The following LIMA1 variants were observed in gnomAD, a reference collection of about 807,000 sequenced individuals.
LIMA1 encodes the protein LIM domain and actin binding 1.
LIMA1 carries 52 observed loss-of-function variants against 62.6 expected under a neutral mutation model. The ratio of observed to expected loss-of-function variants is 0.83; its 90% CI spans 0.67 to 1.05. LIMA1 has a LOEUF of 1.05. Ranked by LOEUF, LIMA1 falls within the 50% of genes least tolerant of loss-of-function variation. LIMA1 has a pLI of 0.00. For missense variants in LIMA1, 780 were observed against 902.2 expected, an observed-to-expected ratio of 0.86 and a Z score of 1.74; for synonymous variants, 302 against 317.8, an observed-to-expected ratio of 0.95 and a Z score of 0.53.
intron 1 of LIMA1, among the ~76,000 whole-genome samples, chr12:50,269,591 A>G (rs896257807): frequency 5.3e-5 from 8 of 152,124 alleles, no homozygotes; most frequent in Non-Finnish European, 7.4e-5. Context: ...TCTGCACCAT[A>G]AAGTCTAAAT....
chr12:50,179,015 G>A (rs1365905798), intron 10 of LIMA1, among the ~76,000 whole-genome samples: 5 of 144,842 alleles, frequency 3.5e-5, no homozygotes, highest in Admixed American at 7.2e-5. Flanking sequence ...TCGCTCTGTC[G>A]CCCAGGCTGG....
intron 9 of LIMA1, chr12:50,186,524 T>C (rs1386384372): frequency 6.5e-6 from 1 of 152,746 alleles, no homozygotes; most frequent in Non-Finnish European, 1.5e-5. Context: ...TAGCATAGAT[T>C]ATCCCTCATA....
At chr12:50,193,917 C>A in intron 8 of LIMA1, among the ~76,000 whole-genome samples, 1 of 149,306 alleles carries the variant, frequency 6.7e-6, no homozygotes. Context: ...CTGCCTGCCT[C>A]AACCTCACGA....
chr12:50,196,934 G>T (rs1322946147), intron 7 of LIMA1, among the ~76,000 whole-genome samples: 5 of 152,146 alleles, frequency 3.3e-5, no homozygotes, highest in Non-Finnish European at 5.9e-5. Flanking sequence ...TTTATCTAAT[G>T]ATATGAAATA....
chr12:50,260,433 G>A (rs1277296887), intron 1 of LIMA1, among the ~76,000 whole-genome samples: 1 of 152,146 alleles, frequency 6.6e-6, no homozygotes. Context: ...AGAGGCGTGA[G>A]CCACCACGCC....
chr12:50,281,586 G>A (rs1348840468), intron 1 of LIMA1, among the ~76,000 whole-genome samples: 1 of 151,870 alleles, frequency 6.6e-6, no homozygotes, highest in Non-Finnish European at 1.5e-5. Context: ...CTCTTCCCAG[G>A]GACTACCTGA....
chr12:50,195,758 G>A, intron 8 of LIMA1, 72 bp downstream of exon 8: 2 of 1,447,334 alleles, frequency 1.4e-6, no homozygotes, highest in Non-Finnish European at 1.9e-6. Context: ...TGACAGTAAT[G>A]GGAACACCCC....
chr12:50,241,613 T>C (rs1941777272), intron 2 of LIMA1, among the ~76,000 whole-genome samples: 1 of 152,210 alleles, frequency 6.6e-6, no homozygotes, highest in African/African-American at 2.4e-5. Flanking sequence ...TATCTCCACC[T>C]TTTATTTGTA....
intron 4 of LIMA1, among the ~76,000 whole-genome samples, chr12:50,216,440 C>T (rs1941346419): frequency 6.6e-6 from 1 of 152,034 alleles, no homozygotes; most frequent in South Asian, 2.1e-4. Context: ...GTCTCAAACT[C>T]TCGACCTCAG....
intron 2 of LIMA1, among the ~76,000 whole-genome samples, chr12:50,247,735 T>C (rs1941871830): frequency 6.6e-6 from 1 of 152,004 alleles, no homozygotes; most frequent in Non-Finnish European, 1.5e-5. Context: ...GCAATTCTCC[T>C]GCCTCAGCCT....
At chr12:50,181,801 G>T in intron 10 of LIMA1, 103 bp downstream of exon 10, 2 of 1,248,460 alleles carry the variant, frequency 1.6e-6, no homozygotes, top group African/African-American at 1.5e-5. Context: ...GCCTTCAACA[G>T]AATATCATTA....
intron 1 of LIMA1, among the ~76,000 whole-genome samples, chr12:50,263,902 T>TATATATATATATAAA (rs1565863129): frequency 7.8e-4 from 65 of 83,384 alleles, no homozygotes; most frequent in African/African-American, 3.1e-3. Context: ...ATATAAAGTA[T>TATATATATATATAAA]GTATATATAT....
chr12:50,235,982 T>G (rs1436637363), intron 2 of LIMA1, among the ~76,000 whole-genome samples: 1 of 152,050 alleles, frequency 6.6e-6, no homozygotes, highest in Middle Eastern at 3.2e-3. Flanking sequence ...CCCGCCAACC[T>G]GGCAAAACCC....
chr12:50,179,953 T>G (rs1209846193), intron 10 of LIMA1, among the ~76,000 whole-genome samples: 1 of 151,372 alleles, frequency 6.6e-6, no homozygotes, highest in Non-Finnish European at 1.5e-5. Context: ...TCACTTGAGG[T>G]CAGAAGTTTG....
At chr12:50,271,328 A>G (rs1413889409) in intron 1 of LIMA1, among the ~76,000 whole-genome samples, 1 of 152,206 alleles carries the variant, frequency 6.6e-6, no homozygotes, top group Non-Finnish European at 1.5e-5. Flanking sequence ...GAACCACCCA[A>G]GAACTTTCCT....
At chr12:50,253,269 C>T (rs1419179206) in intron 1 of LIMA1, among the ~76,000 whole-genome samples, 1 of 152,190 alleles carries the variant, frequency 6.6e-6, no homozygotes, top group Non-Finnish European at 1.5e-5. Flanking sequence ...AGAAATCCGA[C>T]TCTTGGAAGA....
In LIMA1 at chr12:50,222,034, G is replaced by C. The variant is rs373109218; in HGVS notation, c.617C>G (p.Pro206Arg). 22 of 1,609,706 alleles carry C rather than the reference G, an allele frequency of 1.4e-5. No homozygotes were observed. Among genetic ancestry groups the C allele is most frequent in the African/African-American group, 2.7e-5 (2 of 74,622 alleles). ...RLKMMFEKGEPTQTKILRAQS... is the reference protein window; with the variant it reads ...RLKMMFEKGERTQTKILRAQS... Reference sequence around the variant, plus strand: ...CCCAATTCTTACCTTAGTTTGAGTTGGTTCACCTTTCTCAAACATCATCTT... The same window carrying C: ...CCCAATTCTTACCTTAGTTTGAGTTCGTTCACCTTTCTCAAACATCATCTT... Residue 206 changes from proline to arginine, a missense_variant, in exon 4 of 11, where the codon CCA becomes CGA. Pro to Arg is a moderately radical substitution (Grantham distance 103). Coordinates refer to ENST00000341247, the MANE Select transcript of LIMA1 (RefSeq NM_016357.5).
At chr12:50,207,581 C>A (rs898851319) in intron 4 of LIMA1, among the ~76,000 whole-genome samples, 2 of 152,084 alleles carry the variant, frequency 1.3e-5, no homozygotes, top group Non-Finnish European at 2.9e-5. Flanking sequence ...GACTAATCAA[C>A]TTTACTGTAA....
intron 2 of LIMA1, among the ~76,000 whole-genome samples, chr12:50,240,112 G>A (rs1214630698): frequency 1.3e-5 from 2 of 151,744 alleles, no homozygotes; most frequent in Non-Finnish European, 2.9e-5. Context: ...CCTGTAGGCT[G>A]AGATGTGAAG....
Sources: gnomAD v4.1 joint callset for allele counts (sites outside exome capture counted in the v4.1 genomes callset) on GRCh38, gnomAD v4.1.1 for gene constraint, MANE v1.5 for transcripts, NCBI Gene and HGNC (gene_info 2026-07-23, HGNC 2026-07-21) for gene names.